POLN: variants seen among roughly 807,000 people sequenced by gnomAD.
POLN encodes the protein DNA polymerase nu.
Under a neutral mutation model 113.5 loss-of-function variants are expected in POLN, and 108 were observed. The ratio of observed to expected loss-of-function variants is 0.95; its 90% CI spans 0.81 to 1.12. The LOEUF (loss-of-function observed/expected upper bound fraction) is 1.12, where lower values mean the gene tolerates loss of function less well. POLN is among the 50% of genes most tolerant of loss of function. The pLI, the probability that POLN is intolerant of heterozygous loss-of-function variation, is 0.00. For missense variants in POLN, 1,097 were observed against 1,077.1 expected, an observed-to-expected ratio of 1.02 and a Z score of -0.26; for synonymous variants, 386 against 391.5, an observed-to-expected ratio of 0.99 and a Z score of 0.17.
intron 19 of POLN, among the ~76,000 whole-genome samples, chr4:2,113,790 G>A (rs571991086): frequency 4.6e-5 from 7 of 151,444 alleles, no homozygotes; most frequent in African/African-American, 1.2e-4. Flanking sequence ...CCCAGGAGGC[G>A]GAGGTTGCAG....
intron 5 of POLN, among the ~76,000 whole-genome samples, chr4:2,203,639 C>G (rs1048266401): frequency 6.6e-6 from 1 of 151,470 alleles, no homozygotes; most frequent in African/African-American, 2.4e-5. Context: ...ATCAAAACCT[C>G]TGGGATAGCC....
intron 3 of POLN, among the ~76,000 whole-genome samples, chr4:2,222,621 G>A (rs926676272): frequency 5.3e-5 from 8 of 151,924 alleles, no homozygotes; most frequent in African/African-American, 1.9e-4. Flanking sequence ...ACGGCTACAG[G>A]CTGTCACTTT....
At chr4:2,111,661 T>C (rs1488879384) in intron 19 of POLN, among the ~76,000 whole-genome samples, 2 of 152,028 alleles carry the variant, frequency 1.3e-5, no homozygotes, top group Non-Finnish European at 2.9e-5. Flanking sequence ...GAGAACAAAA[T>C]ACCTAGGAAT....
chr4:2,193,257 T>A lies in POLN; in HGVS notation c.968A>T (p.Asp323Val), dbSNP rs1371709915. ...KCPVICFNAK[D>V]FVRIVLQFFG... ...AAACTGCAGCACTATTCTCACAAAATCCTTAGCATTAAAACAAATAACAGG... is the reference window on the plus strand; with the variant it reads ...AAACTGCAGCACTATTCTCACAAAAACCTTAGCATTAAAACAAATAACAGG... Residue 323 changes from aspartate to valine, a missense_variant, in exon 7 of 26, where the codon GAT becomes GTT. Coordinates refer to ENST00000511885, the MANE Select transcript of POLN (RefSeq NM_181808.4). 1 of 1,611,016 alleles carries A rather than the reference T, an allele frequency of 6.2e-7. No homozygotes were observed. The highest frequency in any genetic ancestry group is 1.3e-5 in the African/African-American group (1 of 74,516).
At chr4:2,091,800 T>TGTGTGTGCGCGC (rs577896956) in intron 20 of POLN, among the ~76,000 whole-genome samples, 8 of 144,848 alleles carry the variant, frequency 5.5e-5, no homozygotes, top group South Asian at 2.2e-4. Context: ...TGTGTGTGTG[T>TGTGTGTGCGCGC]GCGCGCGCTA....
intron 19 of POLN, among the ~76,000 whole-genome samples, chr4:2,123,169 GAAACCAAACC>G (rs112587303): frequency 3.9e-4 from 59 of 151,982 alleles, no homozygotes; most frequent in Middle Eastern, 6.8e-3. Flanking sequence ...TCTTATCTCA[GAAACCAAACC>G]AAACCAAACC....
chr4:2,230,774 A>G (rs1309561722), intron 2 of POLN: 2 of 152,162 alleles, frequency 1.3e-5, no homozygotes, highest in African/African-American at 2.4e-5. Flanking sequence ...CAAAGCTCAC[A>G]TGGTATTTAC....
At chr4:2,160,810 C>T (rs73197300) in intron 13 of POLN, among the ~76,000 whole-genome samples, 5,911 of 152,160 alleles carry the variant, frequency 0.039, 158 homozygotes, top group Middle Eastern at 0.051. Flanking sequence ...ATTTGCTGTC[C>T]TACATATGAA....
At chr4:2,161,701 G>C (rs1732596678) in intron 13 of POLN, among the ~76,000 whole-genome samples, 1 of 152,234 alleles carries the variant, frequency 6.6e-6, no homozygotes, top group African/African-American at 2.4e-5. Context: ...GCCCCTGTGC[G>C]AGATCCGCTG....
chr4:2,178,476 G>A (rs1733049152), intron 8 of POLN, among the ~76,000 whole-genome samples: 1 of 152,206 alleles, frequency 6.6e-6, no homozygotes, highest in African/African-American at 2.4e-5. Context: ...CCTCTCCTCT[G>A]GGGCCTGCTG....
chr4:2,231,247 T>C (rs1457915742), intron 2 of POLN: 1 of 152,242 alleles, frequency 6.6e-6, no homozygotes, highest in Non-Finnish European at 1.5e-5. Context: ...GACTTGGCTA[T>C]TTCACATATT....
rs567701284 is a variant in POLN, at chr4:2,242,062, C to G, written c.-295G>C. The G allele has an allele frequency of 3.2e-4, 317 of 985,784 alleles. 2 individuals carry two copies. The South Asian group carries it at 0.012, about 38-fold the overall frequency. 61.1% of individuals were successfully genotyped at this position (985,784 alleles called of 1,614,324 possible). On this transcript the variant is annotated 5_prime_UTR_variant, in exon 1 of 26. Transcript: ENST00000511885. ...CCCGCGTCAGTCACCTCAGGAAGTT[C>G]CGCTTGCTTCTCGCAGGAGCCCGCC...
At chr4:2,140,006 T>C (rs556389686) in intron 16 of POLN, 107 of 152,314 alleles carry the variant, frequency 7.0e-4, no homozygotes, top group African/African-American at 2.4e-3. Flanking sequence ...GAACACTTCC[T>C]ATTAGAACTC....
intron 16 of POLN, chr4:2,139,707 C>A (rs770385383): frequency 5.3e-5 from 8 of 152,108 alleles, no homozygotes; most frequent in African/African-American, 1.7e-4. Context: ...TATATGAACA[C>A]CTTGCTAATA....
chr4:2,184,057 T>C (rs1477379031), intron 7 of POLN, among the ~76,000 whole-genome samples: 1 of 152,032 alleles, frequency 6.6e-6, no homozygotes, highest in East Asian at 1.9e-4. Flanking sequence ...TTTCACCATG[T>C]TGGCCAGGCT....
At chr4:2,156,697 A>C (rs1732441970) in intron 16 of POLN, 91 bp downstream of exon 16, 6 of 1,012,762 alleles carry the variant, frequency 5.9e-6, no homozygotes, top group Non-Finnish European at 9.4e-6. Flanking sequence ...TTGGAAACAG[A>C]AAGTGCACAG....
At chr4:2,110,590 C>T (rs1183996103) in intron 19 of POLN, among the ~76,000 whole-genome samples, 1 of 152,116 alleles carries the variant, frequency 6.6e-6, no homozygotes, top group African/African-American at 2.4e-5. Flanking sequence ...TACAAACTAC[C>T]ATCAGAGAAT....
chr4:2,103,228 A>G (rs1472202885), intron 19 of POLN, among the ~76,000 whole-genome samples: 1 of 152,128 alleles, frequency 6.6e-6, no homozygotes, highest in African/African-American at 2.4e-5. Context: ...GAAACTTACC[A>G]AAGAAATAGA....
chr4:2,180,245 A>C (rs1182512567), intron 7 of POLN, among the ~76,000 whole-genome samples: 7 of 152,240 alleles, frequency 4.6e-5, no homozygotes, highest in African/African-American at 1.7e-4. Flanking sequence ...AATATTTGCT[A>C]AACAAACAAG....
Sources: allele counts gnomAD v4.1 joint callset (sites outside exome capture counted in the v4.1 genomes callset), GRCh38; gene constraint gnomAD v4.1.1; transcripts MANE v1.5; gene names NCBI Gene and HGNC (gene_info 2026-07-23, HGNC 2026-07-21).